Variants in CHRM3 observed in about 807,000 individuals in gnomAD.
The protein encoded by CHRM3 is muscarinic acetylcholine receptor M3.
CHRM3 carries 11 observed loss-of-function variants against 41.8 expected under a neutral mutation model. That is an observed-to-expected ratio of 0.26 (90% CI 0.17 to 0.44). The LOEUF is 0.44. Among genes scored for constraint, CHRM3 ranks in the 20% least tolerant of loss-of-function variants. The probability of loss-of-function intolerance (pLI) is 1.00; values close to 1 mark genes in which losing one functional copy is unlikely to be tolerated. For missense variants in CHRM3, 571 were observed against 745.4 expected, an observed-to-expected ratio of 0.77 and a Z score of 2.72; for synonymous variants, 297 against 301.4, an observed-to-expected ratio of 0.99 and a Z score of 0.15.
chr1:239,900,712 T>C (rs1427900555), intron 6 of CHRM3, among the ~76,000 whole-genome samples: 1 of 152,054 alleles, frequency 6.6e-6, no homozygotes, highest in Non-Finnish European at 1.5e-5. Context: ...GAATATTCCC[T>C]TGGAGGGACG....
At chr1:239,771,201 G>A (rs1184485634) in intron 5 of CHRM3, among the ~76,000 whole-genome samples, 2 of 152,106 alleles carry the variant, frequency 1.3e-5, no homozygotes, top group African/African-American at 4.8e-5. Flanking sequence ...AATCTCAGAA[G>A]CATGTTAGCC....
rs568908692 is a variant in CHRM3, at chr1:239,438,855, G to A, written c.-521+51628G>A. On this transcript the variant is annotated intron_variant, in intron 1 of 6. Transcript: ENST00000676153. ...ATTTTGTAATTCTCATATAACACAA[G>A]CAAAAAGTTGCCCAAATGTGCACCA... 8.5e-5 allele frequency among the ~76,000 whole-genome samples: 13 copies of A among 152,162 alleles called. No homozygotes were observed. The South Asian group carries it at 2.7e-3, about 32-fold the overall frequency.
chr1:239,734,086 A>G (rs1404161969), intron 5 of CHRM3, among the ~76,000 whole-genome samples: 2 of 152,140 alleles, frequency 1.3e-5, no homozygotes, highest in Non-Finnish European at 2.9e-5. Flanking sequence ...ATCTCTAGCT[A>G]CAGAAAGCAA....
intron 3 of CHRM3, among the ~76,000 whole-genome samples, chr1:239,630,121 A>G (rs1045840979): frequency 6.6e-6 from 1 of 152,228 alleles, no homozygotes; most frequent in Non-Finnish European, 1.5e-5. Flanking sequence ...CAAGATGTTC[A>G]ATCTCATTTA....
rs572292467 is a variant in CHRM3 at position 239,429,864 on chromosome 1, G to T, written c.-521+42637G>T. Among the ~76,000 whole-genome samples, 18 of 146,368 alleles carry T rather than the reference G, an allele frequency of 1.2e-4. 1 individual carries two copies. The highest frequency in any genetic ancestry group is 4.1e-4 in the African/African-American group (16 of 39,464). On this transcript the variant is annotated intron_variant, in intron 1 of 6. Transcript: ENST00000676153. ...CTTAAACTTCCTACACATGGGTTCTGCCGTCTTTATGCTTGTTAAATTTAT... is the reference window on the plus strand; with the variant it reads ...CTTAAACTTCCTACACATGGGTTCTTCCGTCTTTATGCTTGTTAAATTTAT...
chr1:239,601,947 A>G (rs1271841456), intron 3 of CHRM3, among the ~76,000 whole-genome samples: 2 of 151,816 alleles, frequency 1.3e-5, no homozygotes, highest in Non-Finnish European at 2.9e-5. Flanking sequence ...ATAAGTGCCC[A>G]TAATGTCAAT....
chr1:239,418,135 A>G (rs1661653219), intron 1 of CHRM3, among the ~76,000 whole-genome samples: 1 of 152,230 alleles, frequency 6.6e-6, no homozygotes, highest in Non-Finnish European at 1.5e-5. Context: ...GCAGATGTGC[A>G]GATGAGCCCC....
intron 5 of CHRM3, among the ~76,000 whole-genome samples, chr1:239,701,838 C>T (rs1660717263): frequency 6.6e-6 from 1 of 152,136 alleles, no homozygotes; most frequent in African/African-American, 2.4e-5. Flanking sequence ...CATGCTATTC[C>T]TTCCATCTGG....
intron 6 of CHRM3, among the ~76,000 whole-genome samples, chr1:239,904,427 G>A (rs1196130337): frequency 6.6e-6 from 1 of 152,164 alleles, no homozygotes; most frequent in African/African-American, 2.4e-5. Context: ...CCTGATTAAA[G>A]GCACATCTGT....
intron 6 of CHRM3, among the ~76,000 whole-genome samples, chr1:239,839,952 C>A (rs562957708): frequency 3.9e-5 from 6 of 152,200 alleles, no homozygotes; most frequent in Non-Finnish European, 8.8e-5. Flanking sequence ...GTGCAGGCTG[C>A]ATCCAGCCCA....
intron 2 of CHRM3, among the ~76,000 whole-genome samples, chr1:239,499,103 A>G (rs1481949698): frequency 1.3e-5 from 2 of 152,198 alleles, no homozygotes; most frequent in African/African-American, 4.8e-5. Context: ...TTTGAAAGGT[A>G]GAAGTGCGTA....
intron 4 of CHRM3, among the ~76,000 whole-genome samples, chr1:239,634,300 C>G (rs1182180791): frequency 6.6e-6 from 1 of 150,752 alleles, no homozygotes; most frequent in Non-Finnish European, 1.5e-5. Flanking sequence ...ACTAAGTGAA[C>G]TGAGTCTATT....
intron 5 of CHRM3, among the ~76,000 whole-genome samples, chr1:239,786,690 G>T (rs1258058249): frequency 1.3e-5 from 2 of 151,650 alleles, no homozygotes; most frequent in African/African-American, 2.4e-5. Flanking sequence ...CACACCGCAG[G>T]GTGCCGAGGG....
chr1:239,435,628 T>G (rs1411093636), intron 1 of CHRM3, among the ~76,000 whole-genome samples: 1 of 152,130 alleles, frequency 6.6e-6, no homozygotes, highest in Non-Finnish European at 1.5e-5. Flanking sequence ...GTTTTATGTT[T>G]CTTTTTGGTA....
At chr1:239,443,499 C>T (rs1260927411) in intron 1 of CHRM3, among the ~76,000 whole-genome samples, 2 of 152,070 alleles carry the variant, frequency 1.3e-5, no homozygotes, top group Admixed American at 6.6e-5. Context: ...GAAGTTGAAA[C>T]TGCAGAGATC....
intron 1 of CHRM3, among the ~76,000 whole-genome samples, chr1:239,423,851 C>T (rs6680232): frequency 9.9e-4 from 150 of 151,902 alleles, no homozygotes; most frequent in African/African-American, 3.3e-3. Flanking sequence ...GTCAGGAGAT[C>T]GAGACCATCC....
At chr1:239,666,948 A>C (rs930464811) in intron 4 of CHRM3, among the ~76,000 whole-genome samples, 1 of 152,030 alleles carries the variant, frequency 6.6e-6, no homozygotes, top group Non-Finnish European at 1.5e-5. Flanking sequence ...TTGTTAATTC[A>C]CTTAGAATAA....
chr1:239,638,519 A>G (rs1464291162), intron 4 of CHRM3, among the ~76,000 whole-genome samples: 1 of 152,080 alleles, frequency 6.6e-6, no homozygotes, highest in Admixed American at 6.6e-5. Context: ...GCCAGTGATG[A>G]TGAGCATTTT....
intron 6 of CHRM3, among the ~76,000 whole-genome samples, chr1:239,849,534 T>C (rs539468654): frequency 1.9e-4 from 29 of 152,324 alleles, no homozygotes; most frequent in African/African-American, 6.5e-4. Flanking sequence ...AATAAAAATA[T>C]AACATTTGTA....
Sources: gnomAD v4.1 joint callset for allele counts (sites outside exome capture counted in the v4.1 genomes callset) on GRCh38, gnomAD v4.1.1 for gene constraint, MANE v1.5 for transcripts, NCBI Gene and HGNC (gene_info 2026-07-23, HGNC 2026-07-21) for gene names.